UBR1: variants seen among roughly 807,000 people sequenced by gnomAD.
The protein encoded by UBR1 is ubiquitin protein ligase E3 component n-recognin 1.
In UBR1, 102 loss-of-function variants were observed where a neutral mutation model predicts 242.1. The observed-to-expected ratio is 0.42, with a 90% CI of 0.36 to 0.50. UBR1 has a LOEUF of 0.50. UBR1 is among the 20% of genes least tolerant of loss of function. UBR1 has a pLI of 0.01. For missense variants in UBR1, 1,772 were observed against 2,101.8 expected (o/e 0.84, Z 3.07); for synonymous variants, 675 against 684.8 (o/e 0.99, Z 0.22).
intron 27 of UBR1, among the ~76,000 whole-genome samples, chr15:43,019,856 C>G (rs8035894): frequency 0.86 from 130,521 of 151,098 alleles, 56,472 homozygotes; most frequent in South Asian, 0.91. Flanking sequence ...CACCCGCCTC[C>G]GCCTCCCAAA....
intron 20 of UBR1, among the ~76,000 whole-genome samples, chr15:43,031,761 G>A (rs2033260129): frequency 6.6e-6 from 1 of 152,162 alleles, no homozygotes; most frequent in Admixed American, 6.5e-5. Context: ...GGTGGCTCAC[G>A]CCTGTAATCC....
intron 1 of UBR1, among the ~76,000 whole-genome samples, chr15:43,088,845 A>C (rs973539267): frequency 2.5e-4 from 38 of 151,884 alleles, no homozygotes; most frequent in South Asian, 4.2e-4. Context: ...CAACTAACAA[A>C]AAAAAAAAAA....
intron 29 of UBR1, among the ~76,000 whole-genome samples, chr15:43,008,991 C>T (rs530945304): frequency 6.6e-6 from 1 of 152,364 alleles, no homozygotes; most frequent in African/African-American, 2.4e-5. Flanking sequence ...TGCTCACCCT[C>T]CAGTTGTCCG....
chr15:43,083,434 G>A (rs2033996436), intron 2 of UBR1, among the ~76,000 whole-genome samples: 1 of 152,108 alleles, frequency 6.6e-6, no homozygotes, highest in African/African-American at 2.4e-5. Flanking sequence ...GCAGTGGAAG[G>A]CAGTGGCATA....
intron 12 of UBR1, among the ~76,000 whole-genome samples, chr15:43,054,511 C>T (rs1289652580): frequency 6.6e-6 from 1 of 152,178 alleles, no homozygotes; most frequent in African/African-American, 2.4e-5. Flanking sequence ...TCCCAAGTTC[C>T]TGTAATGGGC....
chr15:42,945,262 T>G lies in UBR1; in HGVS notation c.*67A>C. On this transcript the variant is annotated 3_prime_UTR_variant, in exon 47 of 47. Coordinates refer to ENST00000290650, the MANE Select transcript of UBR1 (RefSeq NM_174916.3). ...ATACTTTCCCAGCCCTCAGAAAGTT[T>G]TCCATAATTTTGAATCAGCCTTTAC... The G allele has an allele frequency of 6.2e-7, 1 of 1,612,186 alleles. No homozygotes were observed. Among genetic ancestry groups the G allele is most frequent in the Non-Finnish European group, 8.5e-7 (1 of 1,178,866 alleles).
At chr15:43,025,469 C>A in intron 23 of UBR1, 40 bp from the exon 24 acceptor site, 1 of 1,480,812 alleles carries the variant, frequency 6.8e-7, no homozygotes, top group Non-Finnish European at 9.4e-7. Context: ...GCTTTGGAAG[C>A]ATGAAACAAA....
rs2031708365 is a variant in UBR1, at chr15:42,944,977, T to C, written c.*352A>G. On this transcript the variant is annotated 3_prime_UTR_variant, in exon 47 of 47. Transcript: ENST00000290650. Reference sequence around the variant, plus strand: ...CTAAACTTGGGGGGAAAACACCAAATACAAAATTGCAGAAGAGTTAACCAA... The same window carrying C: ...CTAAACTTGGGGGGAAAACACCAAACACAAAATTGCAGAAGAGTTAACCAA... 1 of 282,674 alleles carries C rather than the reference T, an allele frequency of 3.5e-6. No homozygotes were observed. The highest frequency in any genetic ancestry group is 4.9e-5 in the Admixed American group (1 of 20,352). 17.5% of individuals were successfully genotyped at this position (282,674 alleles called of 1,614,324 possible). A position where few individuals can be genotyped will look rare whatever the true frequency, so the allele number is the denominator to read the frequency against.
intron 12 of UBR1, among the ~76,000 whole-genome samples, chr15:43,051,233 T>C (rs2033551130): frequency 6.6e-6 from 1 of 152,234 alleles, no homozygotes; most frequent in East Asian, 1.9e-4. Flanking sequence ...CATGGAATAC[T>C]ATACAGCCAG....
chr15:43,068,625 G>T (rs1339701513), intron 5 of UBR1, among the ~76,000 whole-genome samples: 1 of 150,316 alleles, frequency 6.7e-6, no homozygotes, highest in Non-Finnish European at 1.5e-5. Context: ...TTTGGGTTTT[G>T]TTTTGTTTTG....
At chr15:43,029,303 C>T (rs1484833264) in intron 21 of UBR1, among the ~76,000 whole-genome samples, 2 of 152,130 alleles carry the variant, frequency 1.3e-5, no homozygotes, top group African/African-American at 4.8e-5. Context: ...AATACAAATG[C>T]CACCTGTGGT....
intron 5 of UBR1, 74 bp downstream of exon 5, chr15:43,070,721 A>C: frequency 6.3e-7 from 1 of 1,592,716 alleles, no homozygotes. Context: ...AATAACAAAA[A>C]CAATTATCAA....
chr15:42,992,993 C>T (rs1175315513), intron 33 of UBR1, among the ~76,000 whole-genome samples: 1 of 152,242 alleles, frequency 6.6e-6, no homozygotes, highest in African/African-American at 2.4e-5. Context: ...GCCACCATGG[C>T]TGTGCAGCTC....
chr15:43,086,325 A>G, intron 1 of UBR1, 85 bp from the exon 2 acceptor site: 1 of 1,492,220 alleles, frequency 6.7e-7, no homozygotes, highest in East Asian at 2.3e-5. Flanking sequence ...ATAATTCTAC[A>G]ATTTCAAAGT....
intron 46 of UBR1, among the ~76,000 whole-genome samples, chr15:42,949,859 T>A (rs2141248362): frequency 6.6e-6 from 1 of 151,736 alleles, no homozygotes; most frequent in Non-Finnish European, 1.5e-5. Flanking sequence ...ACTTTTTTTT[T>A]TTTTTAGACA....
chr15:43,011,915 C>T (rs1199365168), intron 29 of UBR1: 1 of 453,482 alleles, frequency 2.2e-6, no homozygotes, highest in South Asian at 1.6e-5. Context: ...ATGCAGCAGT[C>T]ATAAACAATG....
intron 45 of UBR1, 122 bp downstream of exon 45, chr15:42,952,156 G>A: frequency 1.6e-6 from 2 of 1,227,946 alleles, no homozygotes; most frequent in African/African-American, 1.5e-5. Context: ...TCAATAACAG[G>A]TTAATACTCT....
chr15:43,058,955 T>G (rs560619924), intron 9 of UBR1, 130 bp downstream of exon 9: 16 of 783,660 alleles, frequency 2.0e-5, no homozygotes, highest in Non-Finnish European at 3.5e-5. Context: ...TATATTCACA[T>G]GTAGTATCTT....
intron 14 of UBR1, among the ~76,000 whole-genome samples, chr15:43,045,927 A>G (rs1363664711): frequency 1.3e-5 from 2 of 152,222 alleles, no homozygotes; most frequent in Non-Finnish European, 2.9e-5. Flanking sequence ...TAAAGTACTC[A>G]AGAAAATACA....
Sources: allele counts gnomAD v4.1 joint callset (sites outside exome capture counted in the v4.1 genomes callset), GRCh38; gene constraint gnomAD v4.1.1; transcripts MANE v1.5; gene names NCBI Gene and HGNC (gene_info 2026-07-23, HGNC 2026-07-21).